The following FGF1 variants were observed in gnomAD, a reference collection of about 807,000 sequenced individuals.
FGF1 encodes beta-endothelial cell growth factor.
In FGF1, 9 loss-of-function variants were observed where a neutral mutation model predicts 13.4. That is an observed-to-expected ratio of 0.67 (90% confidence interval 0.40 to 1.17). The LOEUF (loss-of-function observed/expected upper bound fraction) is 1.17, where lower values mean the gene tolerates loss of function less well. FGF1 is among the 50% of genes most tolerant of loss of function. FGF1 has a pLI of 0.01. For synonymous variants in FGF1, 93 were observed against 79.0 expected (o/e 1.18, Z -0.94); for missense variants, 156 against 192.7 (o/e 0.81, Z 1.13).
At chr5:142,692,660 GACAC>G (rs146277733) in intron 2 of FGF1, among the ~76,000 whole-genome samples, 2 of 145,656 alleles carry the variant, frequency 1.4e-5, no homozygotes, top group African/African-American at 5.2e-5. Context: ...TATTCCCCAG[GACAC>G]ACACACACAC....
intron 1 of FGF1, among the ~76,000 whole-genome samples, chr5:142,618,142 C>A (rs1271277255): frequency 6.6e-6 from 1 of 152,176 alleles, no homozygotes; most frequent in Non-Finnish European, 1.5e-5. Context: ...GTGCACGAAG[C>A]CTAGCCCTTT....
intron 2 of FGF1, among the ~76,000 whole-genome samples, chr5:142,608,625 AAC>A (rs1758345991): frequency 7.0e-6 from 1 of 142,084 alleles, no homozygotes; most frequent in African/African-American, 2.6e-5. Flanking sequence ...TGAAAAAAAA[AAC>A]CTTATCTTAA....
chr5:142,614,107 G>A lies in FGF1; in HGVS notation c.21C>T (p.Thr7=), dbSNP rs1017998434. 3.1e-6 allele frequency: 5 copies of A among 1,614,208 alleles called. No homozygotes were observed. The Admixed American group carries it at 6.7e-5, about 22-fold the overall frequency. Residue 7 remains threonine, a synonymous_variant, in exon 2 of 4, where the codon ACC becomes ACT. Transcript: ENST00000337706. Reference sequence around the variant, plus strand: ...ACTTCTCGGTCAGGGCTGTGAAGGTGGTGATTTCCCCTTCAGCCATGGCTC... The same window carrying A: ...ACTTCTCGGTCAGGGCTGTGAAGGTAGTGATTTCCCCTTCAGCCATGGCTC... MAEGEI[T]TFTALTEKFN... is the part of the protein sequence containing the mutation.
chr5:142,664,907 T>C (rs906032207), intron 1 of FGF1, among the ~76,000 whole-genome samples: 1 of 152,192 alleles, frequency 6.6e-6, no homozygotes, highest in Admixed American at 6.5e-5. Context: ...CCTAAACTCA[T>C]AGGGTTATTT....
chr5:142,621,846 T>C (rs1761692451), intron 1 of FGF1, among the ~76,000 whole-genome samples: 1 of 152,190 alleles, frequency 6.6e-6, no homozygotes, highest in Admixed American at 6.5e-5. Context: ...TCTGGAGTGA[T>C]GTTCCTCTCT....
intron 1 of FGF1, among the ~76,000 whole-genome samples, chr5:142,666,103 G>A (rs1379293326): frequency 2.0e-5 from 1 of 50,650 alleles, no homozygotes; most frequent in Non-Finnish European, 3.7e-5. Flanking sequence ...AGCTACTCTA[G>A]TATGGCACTT....
At chr5:142,651,633 A>C (rs1418130036) in intron 1 of FGF1, among the ~76,000 whole-genome samples, 1 of 152,106 alleles carries the variant, frequency 6.6e-6, no homozygotes, top group East Asian at 1.9e-4. Flanking sequence ...AAAATCCTTC[A>C]TGTTCTACCA....
intron 2 of FGF1, chr5:142,601,019 G>A (rs1440373318): frequency 1.6e-6 from 1 of 627,614 alleles, no homozygotes; most frequent in African/African-American, 1.8e-5. Context: ...CCTTGGGAAA[G>A]GAAGGAGAGA....
intron 1 of FGF1, among the ~76,000 whole-genome samples, chr5:142,665,702 C>T (rs1298184383): frequency 6.6e-6 from 1 of 152,136 alleles, no homozygotes; most frequent in Non-Finnish European, 1.5e-5. Flanking sequence ...ATAGCTCACA[C>T]ACTTAGAGCC....
chr5:142,650,668 G>A (rs75413369), intron 1 of FGF1, among the ~76,000 whole-genome samples: 17,075 of 151,098 alleles, frequency 0.11, 1,925 homozygotes, highest in African/African-American at 0.29. Flanking sequence ...GTGTGTGTGT[G>A]TATATATACA....
rs544932343 is a variant in FGF1 at position 142,626,460 on chromosome 5, G to A, written c.-34-12299C>T. On this transcript the variant is annotated intron_variant, in intron 1 of 3. Transcript: ENST00000337706. ...GTTGGAGCTGAGATCTGAAGGTAGGGTTTGCTGACTCCAGAGTCCACTATT... is the reference window on the plus strand; with the variant it reads ...GTTGGAGCTGAGATCTGAAGGTAGGATTTGCTGACTCCAGAGTCCACTATT... Among the ~76,000 whole-genome samples the A allele has an allele frequency of 3.3e-5, 5 of 152,300 alleles. No homozygotes were observed. The South Asian group carries it at 1.0e-3, about 32-fold the overall frequency.
chr5:142,687,658 C>T (rs1026984153), upstream of FGF1, among the ~76,000 whole-genome samples: 1 of 152,124 alleles, frequency 6.6e-6, no homozygotes, highest in Non-Finnish European at 1.5e-5. Context: ...AATCATTATG[C>T]TAGATGTAGT....
chr5:142,663,737 C>T (rs1012509390), intron 1 of FGF1, among the ~76,000 whole-genome samples: 6 of 152,154 alleles, frequency 3.9e-5, no homozygotes, highest in African/African-American at 1.4e-4. Context: ...TCTCTCGCCC[C>T]AGATTTCCAT....
intron 2 of FGF1, among the ~76,000 whole-genome samples, chr5:142,609,422 T>C (rs1758573595): frequency 6.6e-6 from 1 of 152,176 alleles, no homozygotes; most frequent in Non-Finnish European, 1.5e-5. Flanking sequence ...ATTAATCCCA[T>C]TGAGGGATAA....
chr5:142,601,138 C>T (rs766318277), intron 2 of FGF1: 4 of 523,290 alleles, frequency 7.6e-6, no homozygotes, highest in South Asian at 5.8e-5. Flanking sequence ...AAAATAATCA[C>T]AGGAGGAAAT....
chr5:142,617,325 G>A (rs1202836385), intron 1 of FGF1, among the ~76,000 whole-genome samples: 4 of 151,908 alleles, frequency 2.6e-5, no homozygotes, highest in Non-Finnish European at 4.4e-5. Flanking sequence ...AGATTGCGCC[G>A]TTGCACCCCA....
chr5:142,656,571 C>T (rs1768210347), intron 1 of FGF1, among the ~76,000 whole-genome samples: 1 of 152,196 alleles, frequency 6.6e-6, no homozygotes, highest in African/African-American at 2.4e-5. Flanking sequence ...CACACAAGTG[C>T]CCAAACATCA....
At position 142,623,398 on chromosome 5, in the gene FGF1, G is replaced by A. The variant is rs138530798; in HGVS notation, c.-34-9237C>T. Among the ~76,000 whole-genome samples, 147 of 151,192 alleles carry A rather than the reference G, an allele frequency of 9.7e-4. 1 individual carries two copies. Among genetic ancestry groups the A allele is most frequent in the African/African-American group, 3.5e-3 (143 of 41,082 alleles). Reference sequence around the variant, plus strand: ...CTCGTTCTGTCGCCCAGGCTGAAGTGCAGTGGTGCGATCTCTGCTCACTGC... The same window carrying A: ...CTCGTTCTGTCGCCCAGGCTGAAGTACAGTGGTGCGATCTCTGCTCACTGC... On this transcript the variant is annotated intron_variant, in intron 1 of 3. Coordinates refer to ENST00000337706, the MANE Select transcript of FGF1 (RefSeq NM_000800.5).
intron 1 of FGF1, among the ~76,000 whole-genome samples, chr5:142,670,595 C>T (rs1052631749): frequency 4.6e-5 from 7 of 151,898 alleles, no homozygotes; most frequent in Non-Finnish European, 1.0e-4. Flanking sequence ...CTTTGAATCT[C>T]CCATGGTATA....
Sources: allele counts gnomAD v4.1 joint callset (sites outside exome capture counted in the v4.1 genomes callset), GRCh38; gene constraint gnomAD v4.1.1; transcripts MANE v1.5; gene names NCBI Gene and HGNC (gene_info 2026-07-23, HGNC 2026-07-21).